The following LUC7L2 variants were observed in gnomAD, a reference collection of about 807,000 sequenced individuals.
LUC7L2 encodes the protein putative RNA-binding protein Luc7-like 2.
In LUC7L2, 25 loss-of-function variants were observed where a neutral mutation model predicts 52.8. The ratio of observed to expected loss-of-function variants is 0.47; its 90% CI spans 0.34 to 0.66. The LOEUF is 0.66. LUC7L2 is among the 30% of genes least tolerant of loss of function. The probability of loss-of-function intolerance (pLI) is 0.01; values close to 1 mark genes in which losing one functional copy is unlikely to be tolerated. For synonymous variants in LUC7L2, 144 were observed against 160.9 expected, an observed-to-expected ratio of 0.89 and a Z score of 0.80; for missense variants, 328 against 497.8, an observed-to-expected ratio of 0.66 and a Z score of 3.25.
At chr7:139,402,302 T>C in intron 4 of LUC7L2, 55 bp downstream of exon 4, 2 of 1,447,160 alleles carry the variant, frequency 1.4e-6, no homozygotes, top group Admixed American at 2.8e-5. Context: ...TCCTTTTGTT[T>C]AAGTTTTTAT....
chr7:139,414,129 GCCCACCCCCCTTC>G (rs1215346576), intron 8 of LUC7L2, among the ~76,000 whole-genome samples: 2 of 152,084 alleles, frequency 1.3e-5, no homozygotes, highest in Non-Finnish European at 2.9e-5. Context: ...CTCTGTGCTT[GCCCACCCCCCTTC>G]TTCACCTCAT....
intron 1 of LUC7L2, chr7:139,340,572 C>T: frequency 2.5e-6 from 1 of 397,914 alleles, no homozygotes; most frequent in Non-Finnish European, 4.4e-6. Flanking sequence ...CAACTCCCAG[C>T]ATACGTCACC....
chr7:139,420,375 G>GTAT (rs1339533101), intron 9 of LUC7L2, among the ~76,000 whole-genome samples: 1 of 151,926 alleles, frequency 6.6e-6, no homozygotes, highest in Non-Finnish European at 1.5e-5. Context: ...GGCTATTTTT[G>GTAT]TATTTTTAGT....
At chr7:139,414,324 C>T (rs568745080) in intron 8 of LUC7L2, among the ~76,000 whole-genome samples, 30 of 152,168 alleles carry the variant, frequency 2.0e-4, no homozygotes, top group Non-Finnish European at 3.8e-4. Context: ...TTTTGGCTTA[C>T]CTGGGCCACA....
At position 139,347,438 on chromosome 7, in the gene LUC7L2, T is replaced by C. The variant is rs188341502; in HGVS notation, c.-26+6921T>C. On this transcript the variant is annotated intron_variant, in intron 1 of 10. Transcript: ENST00000541170. Reference sequence around the variant, plus strand: ...CCTCATCTCTACTAAAAATACAGAATTAGCTGGGCATGGTGGCGCATGCCT... The same window carrying C: ...CCTCATCTCTACTAAAAATACAGAACTAGCTGGGCATGGTGGCGCATGCCT... 6.4e-4 allele frequency among the ~76,000 whole-genome samples: 98 copies of C among 152,122 alleles called. 1 individual carries two copies. In the East Asian group the frequency reaches 0.017, roughly 27 times the overall value.
At chr7:139,416,002 TAA>T (rs971508582) in intron 8 of LUC7L2, 1 of 117,868 alleles carries the variant, frequency 8.5e-6, no homozygotes, top group African/African-American at 3.7e-5. Flanking sequence ...CTCACATTCT[TAA>T]AGTGACTTAA....
intron 4 of LUC7L2, among the ~76,000 whole-genome samples, chr7:139,404,369 C>G (rs1394014808): frequency 6.6e-6 from 1 of 152,114 alleles, no homozygotes; most frequent in Non-Finnish European, 1.5e-5. Context: ...ATTAGCCAGG[C>G]ATGGTGGTGC....
intron 1 of LUC7L2, chr7:139,374,881 T>C: frequency 5.0e-6 from 5 of 995,022 alleles, no homozygotes; most frequent in Non-Finnish European, 6.0e-6. Context: ...TATTTACATG[T>C]GAAAATACAG....
In LUC7L2 at chr7:139,347,352, C is replaced by CTT. The variant is rs1410235026; in HGVS notation, c.-26+6836_-26+6837insTT. Among the ~76,000 whole-genome samples the CTT allele has an allele frequency of 7.7e-5, 9 of 117,090 alleles. No homozygotes were observed. The South Asian group carries it at 1.9e-3, about 24-fold the overall frequency. The allele number at this position is 117,090 out of a possible 152,430, so 76.8% of individuals were successfully genotyped here. ...CCTGTAATCCCAGGACTTTGGGAAGCTGATGTGGGCGGATCACCTGAGGTT... is the reference window on the plus strand; with the variant it reads ...CCTGTAATCCCAGGACTTTGGGAAGCTTTGATGTGGGCGGATCACCTGAGGTT... On this transcript the variant is annotated intron_variant, in intron 1 of 10. Transcript: ENST00000541170.
intron 2 of LUC7L2, among the ~76,000 whole-genome samples, chr7:139,387,898 G>A (rs1237240743): frequency 1.3e-5 from 2 of 152,128 alleles, no homozygotes; most frequent in African/African-American, 2.4e-5. Context: ...GATTGCAGGC[G>A]TGAGCCACCA....
intron 2 of LUC7L2, among the ~76,000 whole-genome samples, chr7:139,383,293 AT>A (rs1397649889): frequency 6.7e-6 from 1 of 150,102 alleles, no homozygotes; most frequent in Non-Finnish European, 1.5e-5. Flanking sequence ...TTTTTTTTGT[AT>A]TTTTAGTAGA....
chr7:139,414,746 A>C (rs892632881), intron 8 of LUC7L2, among the ~76,000 whole-genome samples: 49 of 151,926 alleles, frequency 3.2e-4, no homozygotes, highest in Non-Finnish European at 7.4e-5. Flanking sequence ...AGCCTGAAGC[A>C]CTCCTCTCTG....
chr7:139,405,680 A>G lies in LUC7L2; in HGVS notation c.403A>G (p.Lys135Glu). The change falls in exon 5 of 10, where the codon AAA becomes GAA. Residue 135 changes from lysine (K) to glutamate (E), a missense_variant. Lys to Glu is a moderately conservative substitution (Grantham distance 56, BLOSUM62 1). This residue lies in a region of LUC7L2 where 133 missense variants were observed against 274.4 expected (regional missense o/e 0.48). Coordinates refer to ENST00000354926, the MANE Select transcript of LUC7L2 (RefSeq NM_016019.5). ...RVHELNEEIG[K>E]LLAKVEQLGA... ...TCATGAGTTAAATGAAGAAATTGGT[A>G]AATTGTTAGCCAAGGTGGAACAACT... 6.2e-7 allele frequency: 1 copy of G among 1,612,092 alleles called. No homozygotes were observed. The highest frequency in any genetic ancestry group is 8.5e-7 in the Non-Finnish European group (1 of 1,179,466).
Position 139,404,474 on chromosome 7 carries a change from A to C in LUC7L2, c.367-1170A>C, listed in dbSNP as rs557236406. ...TAGTGAACTGAAATCATGGCACTGC[A>C]CTCCAGCCTGGGCGACAGAGCAAGA... On this transcript the variant is annotated intron_variant, in intron 4 of 9. Transcript: ENST00000354926. Among the ~76,000 whole-genome samples the C allele has an allele frequency of 1.4e-4, 22 of 152,276 alleles. 1 individual carries two copies. The East Asian group carries it at 4.0e-3, about 28-fold the overall frequency.
At chr7:139,414,842 A>G (rs1377494387) in intron 8 of LUC7L2, among the ~76,000 whole-genome samples, 6 of 138,604 alleles carry the variant, frequency 4.3e-5, no homozygotes, top group African/African-American at 2.0e-4. Context: ...CTTATTCCGT[A>G]TAAATATTTC....
intron 3 of LUC7L2, among the ~76,000 whole-genome samples, chr7:139,399,374 A>G (rs1268373081): frequency 7.1e-6 from 1 of 141,084 alleles, no homozygotes; most frequent in Non-Finnish European, 1.5e-5. Flanking sequence ...GCATTCATGG[A>G]TTTTGGTATC....
chr7:139,413,836 C>T (rs986669237), intron 8 of LUC7L2, among the ~76,000 whole-genome samples: 4 of 151,980 alleles, frequency 2.6e-5, no homozygotes, highest in Non-Finnish European at 5.9e-5. Context: ...GATATTTCTG[C>T]CTAAAACACT....
chr7:139,378,989 G>A (rs1389684518), intron 2 of LUC7L2, among the ~76,000 whole-genome samples: 1 of 152,138 alleles, frequency 6.6e-6, no homozygotes, highest in Non-Finnish European at 1.5e-5. Flanking sequence ...TCTTTGTTGT[G>A]TACCTAAAGA....
chr7:139,342,712 T>C (rs953917084), intron 1 of LUC7L2, among the ~76,000 whole-genome samples: 38 of 152,332 alleles, frequency 2.5e-4, no homozygotes, highest in Middle Eastern at 3.4e-3. Context: ...TCCGCCTGCC[T>C]CGGCCTCCCA....
Sources: allele counts gnomAD v4.1 joint callset (sites outside exome capture counted in the v4.1 genomes callset), GRCh38; gene constraint gnomAD v4.1.1; regional missense constraint gnomAD v4.1.1; transcripts MANE v1.5; gene names NCBI Gene and HGNC (gene_info 2026-07-23, HGNC 2026-07-21).